ATP7A: variants seen among roughly 807,000 people sequenced by gnomAD.
ATP7A encodes the protein copper-transporting ATPase 1.
A neutral mutation model predicts 83.5 loss-of-function variants in ATP7A; 7 were observed. The ratio of observed to expected loss-of-function variants is 0.08; its 90% CI spans 0.05 to 0.16. The LOEUF is 0.16. Ranked by LOEUF, ATP7A falls within the 10% of genes least tolerant of loss-of-function variation. The pLI is 1.00. For synonymous variants in ATP7A, 354 were observed against 395.2 expected (o/e 0.90, Z 1.24); for missense variants, 940 against 1,120.8 (o/e 0.84, Z 2.30).
At chrX:77,973,637 T>A (rs1557229930) in intron 2 of ATP7A, among the ~76,000 whole-genome samples, 1 of 112,198 alleles carries the variant, frequency 8.9e-6, no homozygotes, top group East Asian at 2.8e-4. Flanking sequence ...TTTAGTTGGG[T>A]TTTTTGTTTT....
intron 15 of ATP7A, among the ~76,000 whole-genome samples, chrX:78,029,825 T>G (rs112779313): frequency 4.5e-5 from 5 of 111,936 alleles, no homozygotes; most frequent in African/African-American, 1.6e-4. Flanking sequence ...CACTGGGACC[T>G]TCAATTGCAG....
intron 1 of ATP7A, among the ~76,000 whole-genome samples, chrX:77,946,881 G>A (rs1245324780): frequency 9.0e-6 from 1 of 111,216 alleles, no homozygotes; most frequent in Non-Finnish European, 1.9e-5. Flanking sequence ...ATTACCACAT[G>A]ATCTAGCAGC....
At chrX:77,972,840 G>A (rs2077556763) in intron 2 of ATP7A, among the ~76,000 whole-genome samples, 1 of 109,561 alleles carries the variant, frequency 9.1e-6, no homozygotes, top group Non-Finnish European at 1.9e-5. Context: ...GCCTAAGGAA[G>A]ACTCTATTAT....
intron 1 of ATP7A, among the ~76,000 whole-genome samples, chrX:77,966,262 A>G (rs1438418550): frequency 8.9e-6 from 1 of 112,546 alleles, no homozygotes; most frequent in East Asian, 2.7e-4. Context: ...AATTAACTCA[A>G]AATGGATTAA....
intron 2 of ATP7A, among the ~76,000 whole-genome samples, chrX:77,977,580 G>A (rs2077583254): frequency 8.9e-6 from 1 of 112,383 alleles, no homozygotes; most frequent in Non-Finnish European, 1.9e-5. Flanking sequence ...TCCCAAAACA[G>A]CCTGTTTGCA....
At position 78,043,156 on chromosome X, in the gene ATP7A, C is replaced by T. The variant is rs193267329; in HGVS notation, c.4006-161C>T. 2.1e-3 allele frequency among the ~76,000 whole-genome samples: 232 copies of T among 112,382 alleles called. 3 individuals carry two copies. The Admixed American group carries it at 0.021, about 10-fold the overall frequency. On this transcript the variant is annotated intron_variant, in intron 20 of 22. Coordinates refer to ENST00000341514, the MANE Select transcript of ATP7A (RefSeq NM_000052.7). ...CCTGAGGAAAATTTTTGAAAAACACCTTCGGAAGCTGAGTCTAAGTTTTAG... is the reference window on the plus strand; with the variant it reads ...CCTGAGGAAAATTTTTGAAAAACACTTTCGGAAGCTGAGTCTAAGTTTTAG...
chrX:77,916,127 G>A (rs1314894237), intron 1 of ATP7A, among the ~76,000 whole-genome samples: 1 of 110,789 alleles, frequency 9.0e-6, no homozygotes, highest in Non-Finnish European at 1.9e-5. Context: ...GGCTGAGGTG[G>A]GTAGATTGCT....
At chrX:78,024,018 A>G (rs1389920548) in intron 14 of ATP7A, among the ~76,000 whole-genome samples, 1 of 111,236 alleles carries the variant, frequency 9.0e-6, no homozygotes, top group Non-Finnish European at 1.9e-5. Flanking sequence ...GCATATGGCT[A>G]GCTAGTTTTC....
chrX:77,915,080 C>T (rs2077178169), intron 1 of ATP7A, among the ~76,000 whole-genome samples: 1 of 111,495 alleles, frequency 9.0e-6, no homozygotes, highest in Non-Finnish European at 1.9e-5. Context: ...TTTGGGAGGC[C>T]GTGGCAGGCG....
intron 6 of ATP7A, among the ~76,000 whole-genome samples, chrX:78,007,349 G>A (rs781797498): frequency 2.9e-4 from 31 of 107,993 alleles, no homozygotes; most frequent in Non-Finnish European, 1.9e-4. Flanking sequence ...TTTTTGAGAC[G>A]GAGTCTCGCT....
At chrX:77,924,203 A>ATTTCCC (rs2077230367) in intron 1 of ATP7A, 1 of 112,015 alleles carries the variant, frequency 8.9e-6, no homozygotes, top group Non-Finnish European at 1.9e-5. Flanking sequence ...CGAGGAATGG[A>ATTTCCC]TTCTGGAAAG....
chrX:77,966,283 A>G (rs192612654), intron 1 of ATP7A, among the ~76,000 whole-genome samples: 36 of 112,465 alleles, frequency 3.2e-4, no homozygotes, highest in Admixed American at 1.9e-3. Context: ...AGACCTAAAT[A>G]TAAGAGCCAA....
intron 1 of ATP7A, among the ~76,000 whole-genome samples, chrX:77,955,676 A>G (rs1374998934): frequency 1.8e-5 from 2 of 110,929 alleles, no homozygotes; most frequent in Non-Finnish European, 3.8e-5. Flanking sequence ...TCATCCAGCT[A>G]TTTTGTAATG....
intron 10 of ATP7A, among the ~76,000 whole-genome samples, chrX:78,013,563 A>G (rs1049191930): frequency 1.2e-4 from 13 of 112,010 alleles, no homozygotes; most frequent in African/African-American, 4.2e-4. Flanking sequence ...CCATTTTTGC[A>G]GTCTAGATTA....
chrX:77,990,216 A>C (rs1311342142), intron 4 of ATP7A, among the ~76,000 whole-genome samples: 6 of 112,355 alleles, frequency 5.3e-5, no homozygotes, highest in African/African-American at 1.9e-4. Flanking sequence ...GAAGTCATAA[A>C]ACATTATGGT....
Position 77,988,531 on chromosome X carries a change from A to G in ATP7A, c.410A>G (p.Asn137Ser), listed in dbSNP as rs2149082684. The G allele has an allele frequency of 2.5e-6, 3 of 1,211,570 alleles. No homozygotes were observed. The highest frequency in any genetic ancestry group is 2.3e-4 in the Middle Eastern group (1 of 4,355). Residue 137 changes from asparagine to serine, a missense_variant, in exon 3 of 23, where the codon AAT (asparagine) becomes AGT (serine). Around this residue, in one of 3 missense-constraint regions of ATP7A, gnomAD observed 350 missense variants for 432.8 expected, o/e 0.81. Coordinates refer to ENST00000341514, the MANE Select transcript of ATP7A (RefSeq NM_000052.7). ...VTIIPSIVNA[N>S]QIKELVPELS... ...ATAATCCCTTCTATAGTGAATGCCA[A>G]TCAGATAAAAGAGCTGGTTCCAGAA...
intron 19 of ATP7A, 89 bp from the exon 20 acceptor site, chrX:78,042,496 T>C (rs1317904778): frequency 4.3e-6 from 4 of 926,232 alleles, no homozygotes; most frequent in Non-Finnish European, 6.3e-6. Flanking sequence ...GGACATCTTG[T>C]GGGTGAAAAC....
intron 6 of ATP7A, among the ~76,000 whole-genome samples, chrX:78,004,165 C>T (rs996193766): frequency 5.4e-5 from 6 of 111,312 alleles, no homozygotes; most frequent in African/African-American, 2.0e-4. Flanking sequence ...TTAAGCAAAA[C>T]AAGTTGCAGT....
At chrX:77,919,188 C>G (rs782524887) in intron 1 of ATP7A, among the ~76,000 whole-genome samples, 2 of 111,867 alleles carry the variant, frequency 1.8e-5, no homozygotes, top group Non-Finnish European at 3.8e-5. Context: ...AATCAGATGT[C>G]TGGCATCTCA....
Sources: allele counts gnomAD v4.1 joint callset (sites outside exome capture counted in the v4.1 genomes callset), GRCh38; gene constraint gnomAD v4.1.1; regional missense constraint gnomAD v4.1.1; transcripts MANE v1.5; gene names NCBI Gene and HGNC (gene_info 2026-07-23, HGNC 2026-07-21).